Variants in RECK observed in about 807,000 individuals in gnomAD.
The protein encoded by RECK is reversion-inducing cysteine-rich protein with Kazal motifs.
A neutral mutation model predicts 115.1 loss-of-function variants in RECK; 69 were observed. The observed-to-expected ratio is 0.60, with a 90% confidence interval of 0.49 to 0.73. The LOEUF (loss-of-function observed/expected upper bound fraction) is 0.73, where lower values mean the gene tolerates loss of function less well. Ranked by LOEUF, RECK falls within the 30% of genes least tolerant of loss-of-function variation. The probability of loss-of-function intolerance (pLI) is 0.00; values close to 1 mark genes in which losing one functional copy is unlikely to be tolerated. For synonymous variants in RECK, 414 were observed against 419.7 expected, an observed-to-expected ratio of 0.99 and a Z score of 0.17; for missense variants, 1,047 against 1,203.7, an observed-to-expected ratio of 0.87 and a Z score of 1.93.
chr9:36,118,969 T>A lies in RECK; in HGVS notation c.2464+2T>A, dbSNP rs770382436. ...GATGCAAACCCATCATCCCACCGGG[T>A]AGGCTGGCAGTATCGGGGTGGACAG... On this transcript the variant is annotated splice_donor_variant, in intron 18 of 20. Coordinates refer to ENST00000377966, the MANE Select transcript of RECK (RefSeq NM_021111.3). LOFTEE classifies it high-confidence loss of function. The A allele has an allele frequency of 6.2e-7, 1 of 1,611,822 alleles. No individual in the cohort carries two copies. The highest frequency in any genetic ancestry group is 1.1e-5 in the South Asian group (1 of 90,982).
intron 1 of RECK, among the ~76,000 whole-genome samples, chr9:36,041,048 T>C (rs1820846168): frequency 6.6e-6 from 1 of 152,204 alleles, no homozygotes; most frequent in Non-Finnish European, 1.5e-5. Flanking sequence ...ATTAAACTAT[T>C]AATACTGACA....
At chr9:36,101,349 A>G (rs918544937) in intron 11 of RECK, among the ~76,000 whole-genome samples, 1 of 152,340 alleles carries the variant, frequency 6.6e-6, no homozygotes, top group South Asian at 2.1e-4. Context: ...CATTTAACAC[A>G]TAGTAATCTG....
At position 36,118,849 on chromosome 9, in the gene RECK, T is replaced by C. The variant is rs1340882567; in HGVS notation, c.2346T>C (p.Asp782=). 1.2e-6 allele frequency: 2 copies of C among 1,613,962 alleles called. No individual in the cohort carries two copies. The highest frequency in any genetic ancestry group is 2.7e-5 in the African/African-American group (2 of 74,888). ...CAAYSDRVAV[D]YYGDCQAVGV... ...CCTACTCGGATCGCGTGGCAGTCGA[T>C]TACTATGGGGACTGCCAGGCCGTCG... Residue 782 remains aspartate (D), a synonymous_variant, in exon 18 of 21, where the codon GAT becomes GAC. Transcript: ENST00000377966.
At chr9:36,120,839 A>T (rs933998139) in intron 19 of RECK, 103 bp downstream of exon 19, 20 of 843,160 alleles carry the variant, frequency 2.4e-5, no homozygotes, top group Non-Finnish European at 3.8e-5. Context: ...TAAAGAAACT[A>T]ATCTTCAGAA....
intron 6 of RECK, among the ~76,000 whole-genome samples, chr9:36,079,370 ATT>A (rs912803949): frequency 9.2e-5 from 14 of 152,152 alleles, no homozygotes; most frequent in African/African-American, 3.4e-4. Context: ...CACTAAGAAT[ATT>A]TACTTTTTCA....
chr9:36,039,302 G>A (rs1428711896), intron 1 of RECK, among the ~76,000 whole-genome samples: 1 of 152,166 alleles, frequency 6.6e-6, no homozygotes, highest in Non-Finnish European at 1.5e-5. Flanking sequence ...GTGAATTGTA[G>A]AAAGTATAGA....
chr9:36,050,051 T>C (rs1236347340), intron 1 of RECK, among the ~76,000 whole-genome samples: 3 of 152,210 alleles, frequency 2.0e-5, no homozygotes, highest in Admixed American at 2.0e-4. Flanking sequence ...AAGGAGGGAA[T>C]GCATTGCTCA....
intron 1 of RECK, among the ~76,000 whole-genome samples, chr9:36,048,086 G>A (rs1322442975): frequency 7.0e-6 from 1 of 143,628 alleles, no homozygotes; most frequent in Non-Finnish European, 1.5e-5. Context: ...CATTTGAAGA[G>A]AGGATTATGT....
chr9:36,105,414 G>A, intron 13 of RECK, 131 bp downstream of exon 13: 1 of 790,868 alleles, frequency 1.3e-6, no homozygotes, highest in South Asian at 2.0e-5. Context: ...AGATTATGAG[G>A]GACTTCATGT....
At chr9:36,098,292 T>C (rs902500749) in intron 10 of RECK, among the ~76,000 whole-genome samples, 4 of 152,220 alleles carry the variant, frequency 2.6e-5, no homozygotes, top group African/African-American at 9.7e-5. Flanking sequence ...ATTCCACATG[T>C]GTCATGTTTA....
At chr9:36,090,230 A>G (rs1461306441) in intron 9 of RECK, among the ~76,000 whole-genome samples, 1 of 152,168 alleles carries the variant, frequency 6.6e-6, no homozygotes, top group East Asian at 1.9e-4. Context: ...ACCTGATGTA[A>G]CTTGATCACA....
At chr9:36,096,787 C>G (rs1025231122) in intron 10 of RECK, among the ~76,000 whole-genome samples, 11 of 151,984 alleles carry the variant, frequency 7.2e-5, no homozygotes, top group Admixed American at 2.0e-4. Context: ...ACAAAATATA[C>G]AATTTTAAAA....
At chr9:36,057,376 G>T (rs1588277902) in intron 2 of RECK, among the ~76,000 whole-genome samples, 3 of 152,058 alleles carry the variant, frequency 2.0e-5, no homozygotes, top group Admixed American at 2.0e-4. Flanking sequence ...TAAACAGGTT[G>T]GTAGCCTGGG....
chr9:36,046,566 A>G (rs956786575), intron 1 of RECK, among the ~76,000 whole-genome samples: 2 of 152,222 alleles, frequency 1.3e-5, no homozygotes, highest in African/African-American at 4.8e-5. Flanking sequence ...GAGAGTGGCA[A>G]TGCCCTCAAG....
In RECK at chr9:36,123,322, T is replaced by C; in HGVS notation, c.*277T>C. 1 of 327,918 alleles carries C rather than the reference T, an allele frequency of 3.0e-6. No individual in the cohort carries two copies. The highest frequency in any genetic ancestry group is 5.6e-6 in the Non-Finnish European group (1 of 179,778). 20.3% of individuals were successfully genotyped at this position (327,918 alleles called of 1,614,324 possible). Reference sequence around the variant, plus strand: ...GATTTACATTTCCTCACCATAAGGGTCCCCCACTCTAAAGCAAATTTATCG... The same window carrying C: ...GATTTACATTTCCTCACCATAAGGGCCCCCCACTCTAAAGCAAATTTATCG... On this transcript the variant is annotated 3_prime_UTR_variant, in exon 21 of 21. Coordinates refer to ENST00000377966, the MANE Select transcript of RECK (RefSeq NM_021111.3).
At chr9:36,089,239 A>G (rs1285734664) in intron 9 of RECK, among the ~76,000 whole-genome samples, 3 of 152,136 alleles carry the variant, frequency 2.0e-5, no homozygotes, top group Non-Finnish European at 4.4e-5. Flanking sequence ...GCCCACAAAA[A>G]AGTTTACACC....
chr9:36,102,205 T>C lies in RECK; in HGVS notation c.1410T>C (p.Asn470=), dbSNP rs904631613. ...ELLSPTDDLK[N]CIPLDTYLRP... The stretch of plus-strand genomic sequence containing the variant: ...TGTCACCTACAGATGATCTGAAGAA[T>C]TGTATACCTTTGGATACATACCTCA... The change falls in exon 12 of 21, where the codon AAT becomes AAC. Residue 470 remains asparagine, a synonymous_variant. Transcript: ENST00000377966. 10 of 1,613,252 alleles carry C rather than the reference T, an allele frequency of 6.2e-6. No individual in the cohort carries two copies. Among genetic ancestry groups the C allele is most frequent in the African/African-American group, 4.0e-5 (3 of 75,028 alleles).
intron 9 of RECK, among the ~76,000 whole-genome samples, chr9:36,089,691 A>C (rs1375517188): frequency 6.6e-6 from 1 of 152,228 alleles, no homozygotes; most frequent in African/African-American, 2.4e-5. Flanking sequence ...TATGTGTATA[A>C]GGTATATATG....
intron 11 of RECK, 23 bp from the exon 12 acceptor site, chr9:36,102,071 C>T: frequency 6.2e-7 from 1 of 1,607,142 alleles, no homozygotes; most frequent in Non-Finnish European, 8.5e-7. Context: ...AAGCTCTAAA[C>T]TTACGTGCAT....
Sources: gnomAD v4.1 joint callset for allele counts (sites outside exome capture counted in the v4.1 genomes callset) on GRCh38, gnomAD v4.1.1 for gene constraint, MANE v1.5 for transcripts, NCBI Gene and HGNC (gene_info 2026-07-23, HGNC 2026-07-21) for gene names.